Variants in RHBDD1 observed in about 807,000 individuals in gnomAD.
The protein encoded by RHBDD1 is rhomboid domain containing 1, also known as rhomboid-related protein 4.
In RHBDD1, 38 loss-of-function variants were observed where a neutral mutation model predicts 36.3. That is an observed-to-expected ratio of 1.05 (90% CI 0.81 to 1.37). The LOEUF (loss-of-function observed/expected upper bound fraction) is 1.37, where lower values mean the gene tolerates loss of function less well. RHBDD1 is among the 40% of genes most tolerant of loss of function. The pLI is 0.00. For missense variants in RHBDD1, 393 were observed against 377.6 expected, an observed-to-expected ratio of 1.04 and a Z score of -0.34; for synonymous variants, 151 against 136.5, an observed-to-expected ratio of 1.11 and a Z score of -0.74.
At chr2:226,811,093 A>C in the RHBDD1 span, 1 of 151,988 alleles carries the variant, frequency 6.6e-6, no homozygotes, top group Admixed American at 6.6e-5. Flanking sequence ...GATAACTGAG[A>C]CTATTTAAAG....
chr2:226,870,924 G>T (rs1422667753), intron 5 of RHBDD1, among the ~76,000 whole-genome samples: 1 of 152,126 alleles, frequency 6.6e-6, no homozygotes, highest in African/African-American at 2.4e-5. Flanking sequence ...GGGTAGCAGA[G>T]GTGGAAGAAG....
intron 5 of RHBDD1, among the ~76,000 whole-genome samples, chr2:226,903,916 T>A (rs1947810845): frequency 1.3e-5 from 2 of 151,888 alleles, no homozygotes; most frequent in Admixed American, 1.3e-4. Context: ...AAGAGGGAGT[T>A]TACCTGGACA....
intron 8 of RHBDD1, among the ~76,000 whole-genome samples, chr2:226,948,473 C>A (rs565740272): frequency 7.0e-6 from 1 of 142,722 alleles, no homozygotes; most frequent in South Asian, 2.2e-4. Flanking sequence ...TGCTAGATGA[C>A]GAGTTAGTGG....
chr2:226,995,404 A>AT, intron 8 of RHBDD1, 27 bp from the exon 9 acceptor site: 1 of 1,464,726 alleles, frequency 6.8e-7, no homozygotes, highest in South Asian at 1.2e-5. Flanking sequence ...AGAATGATTG[A>AT]TTTTTCCTTT....
intron 4 of RHBDD1, among the ~76,000 whole-genome samples, chr2:226,866,343 T>G (rs778318190): frequency 4.6e-5 from 7 of 152,210 alleles, no homozygotes; most frequent in Non-Finnish European, 1.0e-4. Context: ...GTGCTGGGAT[T>G]ACAGGCGTGA....
At chr2:226,865,695 C>T (rs1489809842) in intron 4 of RHBDD1, among the ~76,000 whole-genome samples, 2 of 152,112 alleles carry the variant, frequency 1.3e-5, no homozygotes, top group African/African-American at 4.8e-5. Flanking sequence ...TAAGGAACCC[C>T]AAAGAGGCAG....
chr2:226,848,540 C>G (rs1251729531), intron 3 of RHBDD1, among the ~76,000 whole-genome samples: 1 of 152,170 alleles, frequency 6.6e-6, no homozygotes, highest in African/African-American at 2.4e-5. Flanking sequence ...AAATCAAATA[C>G]TTTTCTTAGG....
chr2:226,972,113 G>A (rs552995854), intron 8 of RHBDD1, among the ~76,000 whole-genome samples: 1 of 152,170 alleles, frequency 6.6e-6, no homozygotes, highest in Admixed American at 6.5e-5. Flanking sequence ...GGTGTGTGCT[G>A]TTCCACTCCC....
At chr2:226,913,799 G>C (rs1334776392) in intron 7 of RHBDD1, among the ~76,000 whole-genome samples, 1 of 152,126 alleles carries the variant, frequency 6.6e-6, no homozygotes, top group Non-Finnish European at 1.5e-5. Flanking sequence ...TTATTGTACA[G>C]AGCAACAAGA....
At chr2:226,848,434 A>G (rs1942449928) in intron 3 of RHBDD1, among the ~76,000 whole-genome samples, 1 of 152,218 alleles carries the variant, frequency 6.6e-6, no homozygotes, top group East Asian at 1.9e-4. Context: ...GTCATATCTT[A>G]CTAGTAGACA....
intron 8 of RHBDD1, among the ~76,000 whole-genome samples, chr2:226,972,318 C>T (rs528261997): frequency 1.1e-4 from 16 of 152,176 alleles, no homozygotes; most frequent in African/African-American, 3.9e-4. Flanking sequence ...TTTCTTTATC[C>T]AGTCAATCAT....
chr2:226,831,748 T>C (rs1374450180), upstream of RHBDD1, among the ~76,000 whole-genome samples: 2 of 152,188 alleles, frequency 1.3e-5, no homozygotes, highest in African/African-American at 4.8e-5. Flanking sequence ...AAAGTCTTTT[T>C]GGATTTTCTA....
intron 8 of RHBDD1, among the ~76,000 whole-genome samples, chr2:226,946,668 T>C (rs1288994386): frequency 6.6e-6 from 1 of 152,146 alleles, no homozygotes; most frequent in Non-Finnish European, 1.5e-5. Flanking sequence ...TCACCACTGA[T>C]CCCACAGATA....
At chr2:226,876,911 A>G (rs1483581502) in intron 5 of RHBDD1, among the ~76,000 whole-genome samples, 1 of 152,218 alleles carries the variant, frequency 6.6e-6, no homozygotes, top group Non-Finnish European at 1.5e-5. Context: ...ACAAAATGAG[A>G]TGAATGGCAA....
intron 8 of RHBDD1, among the ~76,000 whole-genome samples, chr2:226,933,784 T>C (rs570011707): frequency 3.9e-5 from 6 of 152,280 alleles, no homozygotes; most frequent in African/African-American, 1.4e-4. Context: ...CCTTTCCAGC[T>C]TTCTACATCC....
At chr2:226,840,293 G>A (rs1941468740) in intron 3 of RHBDD1, among the ~76,000 whole-genome samples, 2 of 152,190 alleles carry the variant, frequency 1.3e-5, no homozygotes, top group Non-Finnish European at 2.9e-5. Flanking sequence ...CAGATAATGG[G>A]CAAGAGACCT....
intron 3 of RHBDD1, among the ~76,000 whole-genome samples, chr2:226,847,187 A>C (rs1318561514): frequency 1.3e-5 from 2 of 152,244 alleles, no homozygotes; most frequent in Non-Finnish European, 1.5e-5. Context: ...TCCCTAATAT[A>C]CAAGTTGCAT....
At chr2:226,966,362 T>C (rs1406771248) in intron 8 of RHBDD1, among the ~76,000 whole-genome samples, 1 of 152,134 alleles carries the variant, frequency 6.6e-6, no homozygotes, top group Non-Finnish European at 1.5e-5. Context: ...GGGATCCTCC[T>C]AGGGGCCTCC....
At chr2:226,956,160 C>T (rs1343012283) in intron 8 of RHBDD1, among the ~76,000 whole-genome samples, 2 of 152,166 alleles carry the variant, frequency 1.3e-5, no homozygotes, top group Admixed American at 6.5e-5. Context: ...CACTGTTTCT[C>T]AATCTCTTGG....
Sources: gnomAD v4.1 joint callset for allele counts (sites outside exome capture counted in the v4.1 genomes callset) on GRCh38, gnomAD v4.1.1 for gene constraint, MANE v1.5 for transcripts, NCBI Gene and HGNC (gene_info 2026-07-23, HGNC 2026-07-21) for gene names.